The following DCC variants were observed in gnomAD, a reference collection of about 807,000 sequenced individuals.
DCC encodes DCC netrin 1 receptor, also known as netrin receptor DCC.
Under a neutral mutation model 172.5 loss-of-function variants are expected in DCC, and 58 were observed. That is an observed-to-expected ratio of 0.34 (90% CI 0.27 to 0.42). The LOEUF (loss-of-function observed/expected upper bound fraction) is 0.42, where lower values mean the gene tolerates loss of function less well. DCC is among the 10% of genes least tolerant of loss of function. DCC has a pLI of 1.00. For missense variants in DCC, 1,740 were observed against 1,791.0 expected, an observed-to-expected ratio of 0.97 and a Z score of 0.51; for synonymous variants, 709 against 644.5, an observed-to-expected ratio of 1.10 and a Z score of -1.52.
At chr18:52,758,772 T>G (rs1244793234) in intron 2 of DCC, 1 of 152,146 alleles carries the variant, frequency 6.6e-6, no homozygotes, top group Non-Finnish European at 1.5e-5. Flanking sequence ...ATGTTTATAT[T>G]CCTTCTCTCT....
chr18:52,557,384 G>A (rs990801996), intron 1 of DCC, among the ~76,000 whole-genome samples: 2 of 152,164 alleles, frequency 1.3e-5, no homozygotes, highest in Admixed American at 1.3e-4. Context: ...TATTTGTGAA[G>A]TTTGGTGAAA....
intron 5 of DCC, among the ~76,000 whole-genome samples, chr18:53,043,073 T>C (rs1290782570): frequency 4.6e-5 from 7 of 151,828 alleles, no homozygotes; most frequent in Non-Finnish European, 1.5e-5. Context: ...AACCCAAATG[T>C]CCATCAATGT....
intron 21 of DCC, among the ~76,000 whole-genome samples, chr18:53,420,667 T>C (rs1415265549): frequency 6.6e-6 from 1 of 152,142 alleles, no homozygotes; most frequent in Non-Finnish European, 1.5e-5. Flanking sequence ...ACTAATCCTA[T>C]TGGATTGGGG....
chr18:52,928,518 A>G (rs1413965158), intron 5 of DCC, among the ~76,000 whole-genome samples: 1 of 152,312 alleles, frequency 6.6e-6, no homozygotes, highest in Non-Finnish European at 1.5e-5. Context: ...ATGTGTACAC[A>G]TGTATGTAAA....
intron 7 of DCC, among the ~76,000 whole-genome samples, chr18:53,114,970 T>TG (rs1249213556): frequency 2.0e-5 from 3 of 151,704 alleles, no homozygotes; most frequent in African/African-American, 7.2e-5. Context: ...CATGAACTGT[T>TG]GCATTCTCTG....
intron 7 of DCC, among the ~76,000 whole-genome samples, chr18:53,071,603 C>T (rs984631610): frequency 1.3e-5 from 2 of 152,086 alleles, no homozygotes; most frequent in African/African-American, 4.8e-5. Context: ...AATATGGAGC[C>T]ATATTATGTA....
At chr18:52,978,025 G>A (rs1041999922) in intron 5 of DCC, among the ~76,000 whole-genome samples, 1 of 151,308 alleles carries the variant, frequency 6.6e-6, no homozygotes, top group South Asian at 2.1e-4. Context: ...AATTCAAGTA[G>A]TTTACATGTA....
chr18:52,785,501 T>C (rs1180315241), intron 2 of DCC, among the ~76,000 whole-genome samples: 2 of 152,050 alleles, frequency 1.3e-5, no homozygotes, highest in Non-Finnish European at 2.9e-5. Context: ...ATGACAACTT[T>C]TTCTGGCTAC....
intron 1 of DCC, among the ~76,000 whole-genome samples, chr18:52,359,733 A>G (rs1172676308): frequency 1.3e-5 from 2 of 152,236 alleles, no homozygotes; most frequent in Non-Finnish European, 2.9e-5. Context: ...TTTATGCTAC[A>G]AAGTAAACCT....
intron 5 of DCC, among the ~76,000 whole-genome samples, chr18:52,995,356 A>G (rs1222961608): frequency 6.6e-6 from 1 of 152,126 alleles, no homozygotes; most frequent in Non-Finnish European, 1.5e-5. Context: ...TTTTATGCCA[A>G]ATCAGCTACT....
intron 15 of DCC, among the ~76,000 whole-genome samples, chr18:53,378,061 A>C (rs1243521870): frequency 6.6e-6 from 1 of 152,092 alleles, no homozygotes; most frequent in African/African-American, 2.4e-5. Flanking sequence ...TCCTGGGTTC[A>C]AGTGATTCTT....
At chr18:53,422,967 C>T (rs1910715202) in intron 21 of DCC, among the ~76,000 whole-genome samples, 1 of 152,118 alleles carries the variant, frequency 6.6e-6, no homozygotes, top group Admixed American at 6.5e-5. Flanking sequence ...TGTGGTGAAA[C>T]AGTAGTAGCA....
intron 1 of DCC, among the ~76,000 whole-genome samples, chr18:52,422,717 G>A (rs1390057860): frequency 1.3e-5 from 2 of 152,296 alleles, no homozygotes; most frequent in Non-Finnish European, 2.9e-5. Flanking sequence ...AGAATAGCTA[G>A]GAGTCATGTA....
intron 1 of DCC, among the ~76,000 whole-genome samples, chr18:52,571,230 A>T (rs2033284879): frequency 1.3e-5 from 2 of 152,070 alleles, no homozygotes; most frequent in Admixed American, 1.3e-4. Context: ...AAAATTCAAA[A>T]TATTCAGATG....
At position 52,946,720 on chromosome 18, in the gene DCC, A is replaced by G. The variant is rs533379728; in HGVS notation, c.985+21350A>G. Reference sequence around the variant, plus strand: ...CAAACATCCACCTTGGCCAAGCCCAAAGTCCAGGGGTGGAAAGTAACTTCC... The same window carrying G: ...CAAACATCCACCTTGGCCAAGCCCAGAGTCCAGGGGTGGAAAGTAACTTCC... On this transcript the variant is annotated intron_variant, in intron 5 of 28. Transcript: ENST00000442544. Among the ~76,000 whole-genome samples, 14 of 152,324 alleles carry G rather than the reference A, an allele frequency of 9.2e-5. No homozygotes were observed. The South Asian group carries it at 2.5e-3, about 27-fold the overall frequency.
intron 5 of DCC, among the ~76,000 whole-genome samples, chr18:52,974,299 T>C (rs915421446): frequency 6.6e-5 from 10 of 152,198 alleles, no homozygotes; most frequent in African/African-American, 2.4e-4. Flanking sequence ...GGGTCTTTTA[T>C]CTGGTGCTAG....
At chr18:53,170,040 A>AT (rs200819928) in intron 8 of DCC, among the ~76,000 whole-genome samples, 2,521 of 152,276 alleles carry the variant, frequency 0.017, 82 homozygotes, top group African/African-American at 0.058. Context: ...GGAAAGGGTG[A>AT]TTAAAAACTC....
intron 1 of DCC, among the ~76,000 whole-genome samples, chr18:52,430,616 C>T (rs999104237): frequency 6.6e-5 from 10 of 152,090 alleles, no homozygotes; most frequent in African/African-American, 1.9e-4. Flanking sequence ...CTCATTAATT[C>T]TCATTTCTTA....
chr18:53,383,589 G>A (rs938742591), intron 15 of DCC, among the ~76,000 whole-genome samples: 1 of 149,890 alleles, frequency 6.7e-6, no homozygotes, highest in Non-Finnish European at 1.5e-5. Context: ...CCAGTTCTGC[G>A]AGAAGCTGCT....
Sources: gnomAD v4.1 joint callset for allele counts (sites outside exome capture counted in the v4.1 genomes callset) on GRCh38, gnomAD v4.1.1 for gene constraint, MANE v1.5 for transcripts, NCBI Gene and HGNC (gene_info 2026-07-23, HGNC 2026-07-21) for gene names.